The following OPCML variants were observed in gnomAD, a reference collection of about 807,000 sequenced individuals.
OPCML encodes the protein opioid binding protein/cell adhesion molecule like, also known as opioid-binding protein/cell adhesion molecule.
OPCML carries 13 observed loss-of-function variants against 37.8 expected under a neutral mutation model. The ratio of observed to expected loss-of-function variants is 0.34; its 90% CI spans 0.22 to 0.55. The LOEUF (loss-of-function observed/expected upper bound fraction) is 0.55, where lower values mean the gene tolerates loss of function less well. Ranked by LOEUF, OPCML falls within the 20% of genes least tolerant of loss-of-function variation. OPCML has a pLI of 0.91. For missense variants in OPCML, 341 were observed against 435.6 expected, an observed-to-expected ratio of 0.78 and a Z score of 1.93; for synonymous variants, 176 against 168.8, an observed-to-expected ratio of 1.04 and a Z score of -0.33.
At chr11:132,707,843 A>G (rs1944099215) in intron 2 of OPCML, among the ~76,000 whole-genome samples, 1 of 152,218 alleles carries the variant, frequency 6.6e-6, no homozygotes, top group African/African-American at 2.4e-5. Context: ...GCATATTTAC[A>G]GTAAACATAT....
At chr11:133,241,865 G>A (rs941532223) in intron 1 of OPCML, among the ~76,000 whole-genome samples, 2 of 152,110 alleles carry the variant, frequency 1.3e-5, no homozygotes, top group Non-Finnish European at 2.9e-5. Flanking sequence ...TTTTTCAGGC[G>A]GTTCCCTCCT....
At chr11:132,712,856 AAAT>A (rs138669801) in intron 2 of OPCML, among the ~76,000 whole-genome samples, 7,896 of 152,284 alleles carry the variant, frequency 0.052, 428 homozygotes, top group African/African-American at 0.13. Context: ...AAAGGTCATA[AAAT>A]AATTATAAAG....
intron 3 of OPCML, among the ~76,000 whole-genome samples, chr11:132,583,957 A>G (rs763506493): frequency 1.3e-5 from 2 of 152,114 alleles, no homozygotes; most frequent in African/African-American, 2.4e-5. Flanking sequence ...AGTGTCATGT[A>G]AGCATTTTCA....
chr11:133,020,429 T>G (rs534011466), intron 1 of OPCML, among the ~76,000 whole-genome samples: 3 of 152,352 alleles, frequency 2.0e-5, no homozygotes, highest in African/African-American at 4.8e-5. Flanking sequence ...TGTTTCTATT[T>G]TTTAGTCTCT....
At chr11:132,620,169 A>C (rs974910490) in intron 3 of OPCML, among the ~76,000 whole-genome samples, 1 of 152,220 alleles carries the variant, frequency 6.6e-6, no homozygotes, top group Non-Finnish European at 1.5e-5. Context: ...AGTAACTATG[A>C]CATTTCTACT....
At chr11:132,499,141 C>T (rs567705173) in intron 4 of OPCML, among the ~76,000 whole-genome samples, 1 of 152,184 alleles carries the variant, frequency 6.6e-6, no homozygotes, top group Non-Finnish European at 1.5e-5. Context: ...CTGGACAAGG[C>T]CCCTAGGGAC....
chr11:132,579,216 A>G (rs1024378771), intron 3 of OPCML, among the ~76,000 whole-genome samples: 1 of 152,094 alleles, frequency 6.6e-6, no homozygotes, highest in South Asian at 2.1e-4. Flanking sequence ...CACTTCCTCC[A>G]ATCAAGAACT....
chr11:132,948,182 C>A (rs1475721292), intron 1 of OPCML, among the ~76,000 whole-genome samples: 1 of 152,202 alleles, frequency 6.6e-6, no homozygotes, highest in Non-Finnish European at 1.5e-5. Flanking sequence ...ACAGAGACGA[C>A]TGCCTTGAAA....
chr11:133,114,806 A>T (rs182789237), intron 1 of OPCML, among the ~76,000 whole-genome samples: 3 of 152,338 alleles, frequency 2.0e-5, no homozygotes, highest in Admixed American at 2.0e-4. Flanking sequence ...AGAGTCTCAA[A>T]GCAAATGGTT....
intron 1 of OPCML, among the ~76,000 whole-genome samples, chr11:133,154,928 C>T (rs758337863): frequency 2.0e-5 from 3 of 152,188 alleles, no homozygotes; most frequent in Non-Finnish European, 2.9e-5. Flanking sequence ...GCACCAGAAC[C>T]GTTGCTTGTG....
At chr11:132,829,654 G>A (rs1261391442) in intron 2 of OPCML, among the ~76,000 whole-genome samples, 3 of 152,138 alleles carry the variant, frequency 2.0e-5, no homozygotes, top group African/African-American at 7.2e-5. Context: ...TCATGTCTCA[G>A]CTCCAATGGG....
chr11:132,722,508 A>G (rs1453638309), intron 2 of OPCML, among the ~76,000 whole-genome samples: 5 of 152,180 alleles, frequency 3.3e-5, no homozygotes, highest in Non-Finnish European at 7.3e-5. Flanking sequence ...AGCCACAGAA[A>G]TGACAGCTGA....
At position 132,417,511 on chromosome 11, in the gene OPCML, G is replaced by T. The variant is rs779748685; in HGVS notation, c.*2682C>A. ...TATCCTTTGGAAGGGGGAACAGCAG[G>T]GTTCCATAGTGGCCCTGAAGCCAGC... On this transcript the variant is annotated 3_prime_UTR_variant, in exon 8 of 8. Transcript: ENST00000524381. 2 of 152,198 alleles carry T rather than the reference G, an allele frequency of 1.3e-5. No homozygotes were observed. The highest frequency in any genetic ancestry group is 2.9e-5 in the Non-Finnish European group (2 of 68,058). The allele number at this position is 152,198 out of a possible 1,614,324, so 9.4% of individuals were successfully genotyped here.
At chr11:132,640,164 A>G (rs750960732) in intron 3 of OPCML, among the ~76,000 whole-genome samples, 19 of 152,160 alleles carry the variant, frequency 1.2e-4, no homozygotes, top group Non-Finnish European at 1.5e-5. Context: ...AAATGGGAGG[A>G]GAAAGAGCGA....
At chr11:133,490,194 A>G (rs1208485514) in intron 1 of OPCML, among the ~76,000 whole-genome samples, 1 of 152,154 alleles carries the variant, frequency 6.6e-6, no homozygotes, top group Non-Finnish European at 1.5e-5. Flanking sequence ...GCAAGAGAAA[A>G]GTTCTGAGGG....
At position 133,421,021 on chromosome 11, in the gene OPCML, A is replaced by G. The variant is rs1466623169; in HGVS notation, c.61+111243T>C. On this transcript the variant is annotated intron_variant, in intron 1 of 7. Coordinates refer to ENST00000524381, the MANE Select transcript of OPCML (RefSeq NM_001012393.5). ...GCCTAGAATTAAACTAAAATAGGAG[A>G]GAATCATGGGGTGTAGATTTTGTCC... 4.1e-6 allele frequency: 4 copies of G among 985,160 alleles called. No homozygotes were observed. In the African/African-American group the frequency reaches 7.0e-5, roughly 17 times the overall value. The allele number at this position is 985,160 out of a possible 1,614,324, so 61.0% of individuals were successfully genotyped here. A position where few individuals can be genotyped will look rare whatever the true frequency, so the allele number is the denominator to read the frequency against.
chr11:133,379,147 T>C (rs550736447), intron 1 of OPCML, among the ~76,000 whole-genome samples: 97 of 152,312 alleles, frequency 6.4e-4, no homozygotes, highest in African/African-American at 2.3e-3. Context: ...TATCATAACC[T>C]ATCAATAATA....
Position 132,758,272 on chromosome 11 carries a change from G to A in OPCML, c.147-100953C>T, listed in dbSNP as rs190452911. Among the ~76,000 whole-genome samples the A allele has an allele frequency of 4.6e-4, 70 of 152,310 alleles. 2 individuals are homozygous for A. Among genetic ancestry groups the A allele is most frequent in the Admixed American group, 4.2e-3 (65 of 15,296 alleles). On this transcript the variant is annotated intron_variant, in intron 2 of 7. Coordinates refer to ENST00000524381, the MANE Select transcript of OPCML (RefSeq NM_001012393.5). ...AACTTTGTTCTTTTTGCTTAGGATT[G>A]TCTTGGCTGTACGGCCTCTTCTTTG...
chr11:132,854,830 T>G (rs1941987220), intron 2 of OPCML, among the ~76,000 whole-genome samples: 1 of 152,230 alleles, frequency 6.6e-6, no homozygotes, highest in African/African-American at 2.4e-5. Flanking sequence ...ATGTTGAAAC[T>G]GCCTTTGCAA....
Sources: gnomAD v4.1 joint callset for allele counts (sites outside exome capture counted in the v4.1 genomes callset) on GRCh38, gnomAD v4.1.1 for gene constraint, MANE v1.5 for transcripts, NCBI Gene and HGNC (gene_info 2026-07-23, HGNC 2026-07-21) for gene names.